Variants in ZMIZ1 observed in about 807,000 individuals in gnomAD.
ZMIZ1 encodes the protein zinc finger MIZ domain-containing protein 1.
In ZMIZ1, 17 loss-of-function variants were observed where a neutral mutation model predicts 113.9. The observed-to-expected ratio is 0.15, with a 90% CI of 0.10 to 0.22. The LOEUF (loss-of-function observed/expected upper bound fraction) is 0.22. Among genes scored for constraint, ZMIZ1 ranks in the 10% least tolerant of loss-of-function variants. The probability of loss-of-function intolerance (pLI) is 1.00; values close to 1 mark genes in which losing one functional copy is unlikely to be tolerated. For missense variants in ZMIZ1, 1,059 were observed against 1,477.8 expected, an observed-to-expected ratio of 0.72 and a Z score of 4.65; for synonymous variants, 607 against 603.1, an observed-to-expected ratio of 1.01 and a Z score of -0.09.
chr10:79,215,682 T>C (rs566694022), intron 6 of ZMIZ1, among the ~76,000 whole-genome samples: 2 of 152,148 alleles, frequency 1.3e-5, no homozygotes, highest in East Asian at 1.9e-4. Flanking sequence ...CAGGCCCCCC[T>C]GTGGTGCTGA....
At chr10:79,148,338 A>G in intron 3 of ZMIZ1, among the ~76,000 whole-genome samples, 1 of 152,178 alleles carries the variant, frequency 6.6e-6, no homozygotes, top group Admixed American at 6.5e-5. Flanking sequence ...CTGACCCCAC[A>G]GGCTCCCCTG....
chr10:79,198,707 G>A (rs1389257090), intron 4 of ZMIZ1, among the ~76,000 whole-genome samples: 5 of 152,194 alleles, frequency 3.3e-5, no homozygotes, highest in African/African-American at 7.2e-5. Context: ...GTGATGTGCC[G>A]ATGTGAACGG....
intron 2 of ZMIZ1, among the ~76,000 whole-genome samples, chr10:79,137,210 A>G (rs1845044961): frequency 6.6e-6 from 1 of 152,158 alleles, no homozygotes; most frequent in Non-Finnish European, 1.5e-5. Context: ...TGGTCCTGAC[A>G]GGATGGCCCA....
At chr10:79,197,642 A>ACACACC (rs1330208910) in intron 4 of ZMIZ1, among the ~76,000 whole-genome samples, 72 of 145,572 alleles carry the variant, frequency 4.9e-4, no homozygotes, top group African/African-American at 1.6e-3. Context: ...ACACACACAC[A>ACACACC]CCTGTACCCT....
At chr10:79,181,348 G>T (rs1431854368) in intron 4 of ZMIZ1, among the ~76,000 whole-genome samples, 1 of 152,236 alleles carries the variant, frequency 6.6e-6, no homozygotes, top group Non-Finnish European at 1.5e-5. Flanking sequence ...GAGGTGAGCG[G>T]CTGGGCAGAT....
At chr10:79,120,674 T>C (rs940971113) in intron 2 of ZMIZ1, among the ~76,000 whole-genome samples, 1 of 152,092 alleles carries the variant, frequency 6.6e-6, no homozygotes, top group Admixed American at 6.5e-5. Context: ...GCTGTGTAGA[T>C]TGCCGAGAGC....
Position 79,225,936 on chromosome 10 carries a change from T to A in ZMIZ1, c.280+9662T>A, listed in dbSNP as rs1017689658. Among the ~76,000 whole-genome samples, 70 of 152,164 alleles carry A rather than the reference T, an allele frequency of 4.6e-4. 2 individuals carry two copies. Among genetic ancestry groups the A allele is most frequent in the Admixed American group, 1.1e-3 (17 of 15,272 alleles). On this transcript the variant is annotated intron_variant, in intron 7 of 24. Transcript: ENST00000334512. ...AATGATGAGGCCGTGGGTGTGAGAG[T>A]GCCTCTTAAAATAAAAAATACTAAA... is the stretch of plus-strand genomic sequence containing the variant.
chr10:79,208,233 T>G, intron 5 of ZMIZ1, 103 bp from the exon 6 acceptor site: 1 of 912,900 alleles, frequency 1.1e-6, no homozygotes, highest in Non-Finnish European at 1.7e-6. Context: ...TCTGTGAACC[T>G]CCTCCCCAGT....
intron 8 of ZMIZ1, among the ~76,000 whole-genome samples, chr10:79,288,173 C>T (rs1853211105): frequency 6.6e-6 from 1 of 152,214 alleles, no homozygotes; most frequent in Admixed American, 6.5e-5. Flanking sequence ...TCAGACTTGA[C>T]CAGCATTGCC....
chr10:79,296,946 A>T lies in ZMIZ1; in HGVS notation c.1413+293A>T, dbSNP rs1371874573. On this transcript the variant is annotated intron_variant, in intron 13 of 24. Transcript: ENST00000334512. The surrounding 1 kb of genome is among the most constrained non-coding windows in gnomAD (Gnocchi z 4.1). Reference sequence around the variant, plus strand: ...GAAATATATTTTATTAAAAAAACACACATCCCCTGTATATATTAACATTTC... The same window carrying T: ...GAAATATATTTTATTAAAAAAACACTCATCCCCTGTATATATTAACATTTC... 3.2e-6 allele frequency: 1 copy of T among 312,098 alleles called. No individual in the cohort carries two copies. Among genetic ancestry groups the T allele is most frequent in the East Asian group, 5.6e-5 (1 of 17,750 alleles). 19.3% of individuals were successfully genotyped at this position (312,098 alleles called of 1,614,324 possible).
At chr10:79,172,971 C>T (rs1374118669) in intron 4 of ZMIZ1, among the ~76,000 whole-genome samples, 1 of 152,136 alleles carries the variant, frequency 6.6e-6, no homozygotes, top group African/African-American at 2.4e-5. Flanking sequence ...GTGGGGCCAG[C>T]CAGGAGAGGA....
At chr10:79,160,358 G>T (rs1380683201) in intron 3 of ZMIZ1, among the ~76,000 whole-genome samples, 1 of 152,236 alleles carries the variant, frequency 6.6e-6, no homozygotes, top group African/African-American at 2.4e-5. Flanking sequence ...CCAGGATCTT[G>T]GGGTGTAGGG....
At chr10:79,234,535 TAAGA>T (rs1204870348) in intron 7 of ZMIZ1, among the ~76,000 whole-genome samples, 2 of 152,204 alleles carry the variant, frequency 1.3e-5, no homozygotes, top group Non-Finnish European at 2.9e-5. Flanking sequence ...CAGAAAATTA[TAAGA>T]AAGTAAAGCT....
intron 14 of ZMIZ1, among the ~76,000 whole-genome samples, chr10:79,297,981 G>T (rs537271635): frequency 1.2e-4 from 19 of 152,298 alleles, no homozygotes; most frequent in African/African-American, 4.6e-4. Context: ...ACTCCACCTG[G>T]GGACCCTGAT....
intron 4 of ZMIZ1, among the ~76,000 whole-genome samples, chr10:79,186,939 G>A (rs535622923): frequency 1.2e-4 from 18 of 152,302 alleles, no homozygotes; most frequent in African/African-American, 4.1e-4. Flanking sequence ...TGGAGGCCAT[G>A]CCCCCTTGGC....
chr10:79,143,069 T>G (rs1462871166), intron 3 of ZMIZ1, among the ~76,000 whole-genome samples: 1 of 152,118 alleles, frequency 6.6e-6, no homozygotes, highest in Non-Finnish European at 1.5e-5. Context: ...TCTCTGTCTC[T>G]CTCTTTCTCA....
intron 3 of ZMIZ1, among the ~76,000 whole-genome samples, chr10:79,160,266 T>C (rs544871855): frequency 6.6e-6 from 1 of 152,270 alleles, no homozygotes; most frequent in African/African-American, 2.4e-5. Flanking sequence ...TAAGCAGAAT[T>C]TGGGGGCTGC....
At chr10:79,097,513 G>A (rs1354056195) in intron 1 of ZMIZ1, among the ~76,000 whole-genome samples, 1 of 152,214 alleles carries the variant, frequency 6.6e-6, no homozygotes, top group Admixed American at 6.5e-5. Context: ...CTAGTAGCAA[G>A]CTGCCTGGAA....
At chr10:79,311,832 G>A (rs141278098) in intron 24 of ZMIZ1, among the ~76,000 whole-genome samples, 2,384 of 152,166 alleles carry the variant, frequency 0.016, 59 homozygotes, top group East Asian at 0.058. Flanking sequence ...GGGGCTGGCG[G>A]GATGGGACTG....
Sources: gnomAD v4.1 joint callset for allele counts (sites outside exome capture counted in the v4.1 genomes callset) on GRCh38, gnomAD v4.1.1 for gene constraint, Gnocchi (gnomAD v3.1) non-coding constraint, MANE v1.5 for transcripts, NCBI Gene and HGNC (gene_info 2026-07-23, HGNC 2026-07-21) for gene names.